The following HECW2 variants were observed in gnomAD, a reference collection of about 807,000 sequenced individuals.
HECW2 encodes HECT, C2 and WW domain containing E3 ubiquitin protein ligase 2.
HECW2 carries 61 observed loss-of-function variants against 175.2 expected under a neutral mutation model. The ratio of observed to expected loss-of-function variants is 0.35; its 90% CI spans 0.28 to 0.43. The LOEUF (loss-of-function observed/expected upper bound fraction) is 0.43, where lower values mean the gene tolerates loss of function less well. Ranked by LOEUF, HECW2 falls within the 20% of genes least tolerant of loss-of-function variation. The pLI, the probability that HECW2 is intolerant of heterozygous loss-of-function variation, is 1.00. For synonymous variants in HECW2, 671 were observed against 731.0 expected (o/e 0.92, Z 1.32); for missense variants, 1,524 against 2,000.5 (o/e 0.76, Z 4.54).
At chr2:196,566,524 TTTTC>T (rs557085719) in intron 1 of HECW2, among the ~76,000 whole-genome samples, 130 of 149,830 alleles carry the variant, frequency 8.7e-4, no homozygotes, top group African/African-American at 3.0e-3. Flanking sequence ...GAAACTATAC[TTTTC>T]TTTTTCTTTT....
At chr2:196,253,454 A>C (rs1470233455) in intron 19 of HECW2, among the ~76,000 whole-genome samples, 1 of 152,220 alleles carries the variant, frequency 6.6e-6, no homozygotes, top group African/African-American at 2.4e-5. Flanking sequence ...GTTACCTATC[A>C]ACATCTTCTA....
chr2:196,552,890 T>C (rs1470296452), intron 1 of HECW2, among the ~76,000 whole-genome samples: 1 of 152,206 alleles, frequency 6.6e-6, no homozygotes, highest in Admixed American at 6.5e-5. Flanking sequence ...AGGAAGTCTC[T>C]AGCAAAATAA....
chr2:196,286,815 G>A (rs968070039), intron 14 of HECW2, among the ~76,000 whole-genome samples: 1 of 152,176 alleles, frequency 6.6e-6, no homozygotes, highest in African/African-American at 2.4e-5. Flanking sequence ...AACAAATGTG[G>A]TGGTCAAGTA....
intron 10 of HECW2, among the ~76,000 whole-genome samples, chr2:196,308,800 C>A (rs1691369060): frequency 6.6e-6 from 1 of 152,136 alleles, no homozygotes; most frequent in African/African-American, 2.4e-5. Flanking sequence ...GAGTCAGACA[C>A]CCCACCTTTG....
chr2:196,389,591 AGATCTGCCTCCT>A (rs1422268902), intron 2 of HECW2, among the ~76,000 whole-genome samples: 1 of 152,196 alleles, frequency 6.6e-6, no homozygotes, highest in Non-Finnish European at 1.5e-5. Flanking sequence ...CCACTATTCC[AGATCTGCCTCCT>A]GCCTCTGCAA....
At chr2:196,220,729 A>G (rs572607274) in intron 25 of HECW2, 66 bp downstream of exon 25, 4 of 1,510,780 alleles carry the variant, frequency 2.6e-6, no homozygotes, top group Middle Eastern at 1.7e-4. Flanking sequence ...TGTAAAGTAC[A>G]ATAAGATGGA....
intron 1 of HECW2, among the ~76,000 whole-genome samples, chr2:196,434,822 C>G (rs1695823287): frequency 1.3e-5 from 2 of 152,206 alleles, no homozygotes; most frequent in African/African-American, 4.8e-5. Context: ...ACTACCACTT[C>G]TCATATGATA....
intron 1 of HECW2, among the ~76,000 whole-genome samples, chr2:196,523,686 G>T (rs1481848690): frequency 6.6e-6 from 1 of 151,310 alleles, no homozygotes; most frequent in African/African-American, 2.4e-5. Context: ...TTAGCATGAA[G>T]GGTTGTTGAA....
At chr2:196,443,254 T>G (rs1696090991) in intron 1 of HECW2, among the ~76,000 whole-genome samples, 1 of 152,122 alleles carries the variant, frequency 6.6e-6, no homozygotes. Flanking sequence ...TTGCTGTTAC[T>G]AGATGAATAA....
chr2:196,406,748 G>A (rs1165140525), intron 2 of HECW2, among the ~76,000 whole-genome samples: 1 of 152,092 alleles, frequency 6.6e-6, no homozygotes, highest in African/African-American at 2.4e-5. Flanking sequence ...TCCTGCTTAG[G>A]GCCTTAGGAA....
At chr2:196,592,639 GA>G (rs1691243421) in intron 1 of HECW2, 1 of 152,348 alleles carries the variant, frequency 6.6e-6, no homozygotes, top group Admixed American at 6.5e-5. Flanking sequence ...TTTCCCTGGA[GA>G]ACCAAACCAT....
intron 14 of HECW2, among the ~76,000 whole-genome samples, chr2:196,284,629 C>T (rs1217360709): frequency 6.6e-6 from 1 of 152,178 alleles, no homozygotes; most frequent in East Asian, 1.9e-4. Flanking sequence ...CATGCAAAGT[C>T]CAAGCATGCC....
chr2:196,394,358 A>C (rs1694602150), intron 2 of HECW2, among the ~76,000 whole-genome samples: 1 of 152,250 alleles, frequency 6.6e-6, no homozygotes, highest in African/African-American at 2.4e-5. Context: ...GGTAAATGTA[A>C]AGATAGACCA....
chr2:196,223,623 T>C (rs143634117), intron 23 of HECW2, among the ~76,000 whole-genome samples: 46 of 152,118 alleles, frequency 3.0e-4, no homozygotes, highest in South Asian at 1.9e-3. Flanking sequence ...CCTAAGGAGA[T>C]TGGTGATTCA....
intron 1 of HECW2, among the ~76,000 whole-genome samples, chr2:196,574,290 C>T (rs1472884944): frequency 1.3e-5 from 2 of 151,918 alleles, no homozygotes; most frequent in African/African-American, 4.8e-5. Flanking sequence ...ATTAGCTGGG[C>T]GTGGTGGTAT....
intron 18 of HECW2, among the ~76,000 whole-genome samples, chr2:196,255,851 T>C (rs1000105087): frequency 2.6e-5 from 4 of 152,186 alleles, no homozygotes; most frequent in Non-Finnish European, 1.5e-5. Flanking sequence ...GGAGGGCGGA[T>C]TGCCTGAGCT....
chr2:196,466,836 A>G (rs1248835161), intron 1 of HECW2, among the ~76,000 whole-genome samples: 1 of 152,246 alleles, frequency 6.6e-6, no homozygotes, highest in Non-Finnish European at 1.5e-5. Flanking sequence ...GCCAGGCAGA[A>G]GGAGCTACTG....
At chr2:196,407,168 ATAATATACT>A (rs1694987214) in intron 2 of HECW2, among the ~76,000 whole-genome samples, 1 of 152,004 alleles carries the variant, frequency 6.6e-6, no homozygotes, top group Non-Finnish European at 1.5e-5. Context: ...CAAAATAAAA[ATAATATACT>A]TAGGTTTATG....
intron 1 of HECW2, among the ~76,000 whole-genome samples, chr2:196,490,915 AAGAC>A (rs1476686574): frequency 3.9e-5 from 6 of 152,306 alleles, no homozygotes; most frequent in Non-Finnish European, 7.4e-5. Context: ...CAAATCTAGA[AAGAC>A]AGAAAGTAGA....
Sources: gnomAD v4.1 joint callset for allele counts (sites outside exome capture counted in the v4.1 genomes callset) on GRCh38, gnomAD v4.1.1 for gene constraint, MANE v1.5 for transcripts, NCBI Gene and HGNC (gene_info 2026-07-23, HGNC 2026-07-21) for gene names.